The following ZMYM4 variants were observed in gnomAD, a reference collection of about 807,000 sequenced individuals.
ZMYM4 encodes zinc finger MYM-type containing 4, also known as zinc finger MYM-type protein 4.
ZMYM4 carries 31 observed loss-of-function variants against 183.2 expected under a neutral mutation model. The observed-to-expected ratio is 0.17, with a 90% CI of 0.13 to 0.23. ZMYM4 has a LOEUF of 0.23. Ranked by LOEUF, ZMYM4 falls within the 10% of genes least tolerant of loss-of-function variation. The pLI is 1.00. For missense variants in ZMYM4, 1,273 were observed against 1,840.3 expected, an observed-to-expected ratio of 0.69 and a Z score of 5.64; for synonymous variants, 592 against 631.2, an observed-to-expected ratio of 0.94 and a Z score of 0.93.
intron 2 of ZMYM4, among the ~76,000 whole-genome samples, chr1:35,342,594 G>T (rs1377650339): frequency 1.3e-5 from 2 of 152,086 alleles, no homozygotes; most frequent in Non-Finnish European, 2.9e-5. Context: ...ATGTTGTTTT[G>T]TGAAGTGTAT....
At chr1:35,358,736 C>T in intron 2 of ZMYM4, 189 bp from the exon 3 acceptor site, 2 of 501,532 alleles carry the variant, frequency 4.0e-6, no homozygotes, top group South Asian at 9.2e-5. Flanking sequence ...GTTTTGGCTC[C>T]TTGTTTCCTT....
chr1:35,284,069 C>T lies in ZMYM4; in HGVS notation c.39+14984C>T, dbSNP rs1008504194. Reference sequence around the variant, plus strand: ...TCGGCTCACTGCAAGCTCCGCTTCCCGGGTTCACGCCATTCTCCTGCCTCA... The same window carrying T: ...TCGGCTCACTGCAAGCTCCGCTTCCTGGGTTCACGCCATTCTCCTGCCTCA... On this transcript the variant is annotated intron_variant, in intron 1 of 29. Transcript: ENST00000314607. 5.9e-5 allele frequency among the ~76,000 whole-genome samples: 9 copies of T among 151,872 alleles called. No individual in the cohort carries two copies. In the East Asian group the frequency reaches 1.2e-3, roughly 20 times the overall value.
Position 35,420,478 on chromosome 1 carries a change from C to T in ZMYM4, c.*801C>T, listed in dbSNP as rs936327489. ...TTTGTAGAAACCCACTAAAATGCCC[C>T]TTCTCTGGGTGTGGGCCCTTATTGC... is the stretch of plus-strand genomic sequence containing the variant. On this transcript the variant is annotated 3_prime_UTR_variant, in exon 30 of 30. Transcript: ENST00000314607. 2 of 152,546 alleles carry T rather than the reference C, an allele frequency of 1.3e-5. No individual in the cohort carries two copies. The highest frequency in any genetic ancestry group is 2.4e-5 in the African/African-American group (1 of 41,430). 9.4% of individuals were successfully genotyped at this position (152,546 alleles called of 1,614,324 possible).
intron 1 of ZMYM4, among the ~76,000 whole-genome samples, chr1:35,269,350 T>A (rs1353884207): frequency 6.6e-6 from 1 of 151,864 alleles, no homozygotes; most frequent in African/African-American, 2.4e-5. Context: ...TGGGGTGGGA[T>A]ATCTAGGCCC....
At chr1:35,312,322 G>T (rs1641840246) in intron 1 of ZMYM4, among the ~76,000 whole-genome samples, 3 of 152,186 alleles carry the variant, frequency 2.0e-5, no homozygotes, top group African/African-American at 7.2e-5. Flanking sequence ...CTGCTCTGCA[G>T]TCTTTCTCCT....
At chr1:35,367,982 C>A (rs1644127157) in intron 5 of ZMYM4, among the ~76,000 whole-genome samples, 2 of 151,552 alleles carry the variant, frequency 1.3e-5, no homozygotes. Flanking sequence ...GAAAAATGTT[C>A]ATTATACATC....
rs1377776034 is a variant in ZMYM4, at chr1:35,268,943, CTGCCGCGAGGCGGCCG to C, written c.-99_-84del. The stretch of plus-strand genomic sequence containing the variant: ...CAAGGCCCGGCCGGGTCCGGGGAAG[CTGCCGCGAGGCGGCCG>C]TGCCTGCAGTGTGGGCGGGGGCCGG... On this transcript the variant is annotated 5_prime_UTR_variant, in exon 1 of 30. Transcript: ENST00000314607. 2.3e-6 allele frequency: 3 copies of C among 1,279,196 alleles called. No homozygotes were observed. In the East Asian group the frequency reaches 9.6e-5, roughly 41 times the overall value. 79.2% of individuals were successfully genotyped at this position (1,279,196 alleles called of 1,614,324 possible). A position where few individuals can be genotyped will look rare whatever the true frequency, so the allele number is the denominator to read the frequency against.
At chr1:35,271,389 G>A (rs1312586403) in intron 1 of ZMYM4, among the ~76,000 whole-genome samples, 1 of 151,730 alleles carries the variant, frequency 6.6e-6, no homozygotes, top group African/African-American at 2.4e-5. Context: ...CATACTGGTA[G>A]CAGTAAAAAC....
intron 1 of ZMYM4, among the ~76,000 whole-genome samples, chr1:35,301,377 T>A (rs1641270023): frequency 6.6e-6 from 1 of 151,994 alleles, no homozygotes; most frequent in Non-Finnish European, 1.5e-5. Flanking sequence ...TGAAACCTCG[T>A]CTCTACTAAA....
intron 25 of ZMYM4, among the ~76,000 whole-genome samples, chr1:35,406,444 C>G (rs1645004082): frequency 6.6e-6 from 1 of 152,088 alleles, no homozygotes; most frequent in African/African-American, 2.4e-5. Flanking sequence ...CTCCTAAGCC[C>G]AAGAGTTCTG....
chr1:35,279,925 C>T (rs1411088976), intron 1 of ZMYM4, among the ~76,000 whole-genome samples: 1 of 152,210 alleles, frequency 6.6e-6, no homozygotes, highest in Non-Finnish European at 1.5e-5. Context: ...GAAGCTTTCT[C>T]TTAGTTGCTC....
chr1:35,290,008 C>T (rs1307085086), intron 1 of ZMYM4, among the ~76,000 whole-genome samples: 2 of 151,908 alleles, frequency 1.3e-5, no homozygotes, highest in Non-Finnish European at 2.9e-5. Context: ...CACTCTGTCA[C>T]CTAGGCTGGA....
rs375054893 is a variant in ZMYM4, at chr1:35,389,411, A to G, written c.2436+329A>G. On this transcript the variant is annotated intron_variant, in intron 14 of 29. Transcript: ENST00000314607. The surrounding 1 kb of genome is among the most constrained non-coding windows in gnomAD (Gnocchi z 4.0). ...TTATTTTTATTTCACTTTGTTTTTT[A>G]ATTGCTATAGAGTGAAGTCTGTATG... is the stretch of plus-strand genomic sequence containing the variant. Among the ~76,000 whole-genome samples the G allele has an allele frequency of 2.0e-5, 3 of 152,204 alleles. No individual in the cohort carries two copies. In the South Asian group the frequency reaches 6.2e-4, roughly 32 times the overall value.
chr1:35,316,390 A>G (rs1435811163), intron 1 of ZMYM4, among the ~76,000 whole-genome samples: 1 of 152,250 alleles, frequency 6.6e-6, no homozygotes, highest in African/African-American at 2.4e-5. Context: ...CCAGTTCTCT[A>G]ACAACACAGT....
At chr1:35,302,420 C>T (rs572773202) in intron 1 of ZMYM4, among the ~76,000 whole-genome samples, 5 of 125,068 alleles carry the variant, frequency 4.0e-5, no homozygotes, top group Non-Finnish European at 6.4e-5. Flanking sequence ...GAGTCTTGCT[C>T]TGTTGTGCAG....
intron 2 of ZMYM4, among the ~76,000 whole-genome samples, chr1:35,342,436 C>G (rs551373140): frequency 5.3e-5 from 8 of 152,252 alleles, no homozygotes; most frequent in Admixed American, 3.3e-4. Context: ...TCTGGGATTA[C>G]ACTGCTCTTG....
chr1:35,318,960 C>A (rs1642170271), intron 1 of ZMYM4, among the ~76,000 whole-genome samples: 1 of 152,124 alleles, frequency 6.6e-6, no homozygotes, highest in African/African-American at 2.4e-5. Context: ...GATGTTGGCT[C>A]ACCACAACCT....
chr1:35,290,630 A>G (rs951575052), intron 1 of ZMYM4, among the ~76,000 whole-genome samples: 5 of 151,640 alleles, frequency 3.3e-5, no homozygotes, highest in East Asian at 1.9e-4. Context: ...GGGTCTTGCT[A>G]TGTTGCCCAG....
At chr1:35,408,979 T>G (rs1639756998) in intron 26 of ZMYM4, among the ~76,000 whole-genome samples, 1 of 152,244 alleles carries the variant, frequency 6.6e-6, no homozygotes, top group African/African-American at 2.4e-5. Flanking sequence ...ATCTGCTTTC[T>G]GTCTCTCTGG....
Sources: allele counts gnomAD v4.1 joint callset (sites outside exome capture counted in the v4.1 genomes callset), GRCh38; gene constraint gnomAD v4.1.1; non-coding constraint Gnocchi (gnomAD v3.1); transcripts MANE v1.5; gene names NCBI Gene and HGNC (gene_info 2026-07-23, HGNC 2026-07-21).